SNTB1: variants seen among roughly 807,000 people sequenced by gnomAD.
SNTB1 encodes syntrophin beta 1.
A neutral mutation model predicts 48.9 loss-of-function variants in SNTB1; 36 were observed. The ratio of observed to expected loss-of-function variants is 0.74; its 90% CI spans 0.56 to 0.97. The LOEUF is 0.97. SNTB1 is among the 50% of genes least tolerant of loss of function. SNTB1 has a pLI of 0.00. For missense variants in SNTB1, 786 were observed against 703.4 expected (o/e 1.12, Z -1.33); for synonymous variants, 299 against 294.6 (o/e 1.01, Z -0.15).
chr8:120,794,728 C>T (rs1490419765), intron 1 of SNTB1, among the ~76,000 whole-genome samples: 1 of 151,858 alleles, frequency 6.6e-6, no homozygotes, highest in Non-Finnish European at 1.5e-5. Context: ...ATCCTTTTGC[C>T]CCATTTCTTA....
rs114140108 is a variant in SNTB1, at chr8:120,633,934, C to T, written c.789-1283G>A. ...TACAATGTGAATGTATAGTTCTATG[C>T]CATTTTTTTCACGTGTAGATTTGTA... is the stretch of plus-strand genomic sequence containing the variant. On this transcript the variant is annotated intron_variant, in intron 2 of 6. Coordinates refer to ENST00000517992, the MANE Select transcript of SNTB1 (RefSeq NM_021021.4). 8.6e-3 allele frequency among the ~76,000 whole-genome samples: 1,307 copies of T among 152,062 alleles called. 19 individuals are homozygous for T. Among genetic ancestry groups the T allele is most frequent in the African/African-American group, 0.03 (1,249 of 41,394 alleles).
intron 2 of SNTB1, among the ~76,000 whole-genome samples, chr8:120,657,687 T>C (rs906048009): frequency 6.6e-6 from 1 of 152,264 alleles, no homozygotes; most frequent in South Asian, 2.1e-4. Flanking sequence ...CAGAGTTTCA[T>C]GTAAAATAAT....
At chr8:120,667,992 G>A (rs1341790331) in intron 2 of SNTB1, among the ~76,000 whole-genome samples, 1 of 152,204 alleles carries the variant, frequency 6.6e-6, no homozygotes. Flanking sequence ...ATCCTGTGGT[G>A]TAGTTTTTGC....
rs368891802 is a variant in SNTB1 at position 120,655,029 on chromosome 8, T to C, written c.789-22378A>G. The stretch of plus-strand genomic sequence containing the variant: ...TTCAGTTCCTCAAATCTGTGATTCC[T>C]ATGGCTGATGAAAAATACTTCTCAA... On this transcript the variant is annotated intron_variant, in intron 2 of 6. Coordinates refer to ENST00000517992, the MANE Select transcript of SNTB1 (RefSeq NM_021021.4). 15 of 455,058 alleles carry C rather than the reference T, an allele frequency of 3.3e-5. 1 individual carries two copies. The East Asian group carries it at 3.5e-4, about 11-fold the overall frequency. The allele number at this position is 455,058 out of a possible 1,614,324, so 28.2% of individuals were successfully genotyped here. A position where few individuals can be genotyped will look rare whatever the true frequency, so the allele number is the denominator to read the frequency against.
intron 1 of SNTB1, among the ~76,000 whole-genome samples, chr8:120,718,243 G>C (rs1360808729): frequency 1.3e-5 from 2 of 152,252 alleles, no homozygotes; most frequent in Non-Finnish European, 2.9e-5. Flanking sequence ...CTGTCCTCCT[G>C]AGGGTCACTG....
At chr8:120,713,423 A>G (rs1046953746) in intron 1 of SNTB1, among the ~76,000 whole-genome samples, 1 of 152,074 alleles carries the variant, frequency 6.6e-6, no homozygotes, top group African/African-American at 2.4e-5. Context: ...TGCTTTTTCT[A>G]TATTTTTCTA....
At chr8:120,762,342 C>T (rs778117504) in intron 1 of SNTB1, among the ~76,000 whole-genome samples, 9 of 152,096 alleles carry the variant, frequency 5.9e-5, no homozygotes, top group Non-Finnish European at 1.3e-4. Context: ...AATAGGGTGG[C>T]GGTTCTGCAA....
chr8:120,738,453 A>G (rs969302692), intron 1 of SNTB1, among the ~76,000 whole-genome samples: 1 of 152,096 alleles, frequency 6.6e-6, no homozygotes, highest in Non-Finnish European at 1.5e-5. Context: ...ATAGGGTAAG[A>G]GTTATTATTA....
intron 3 of SNTB1, among the ~76,000 whole-genome samples, chr8:120,587,435 T>C (rs1816166427): frequency 6.6e-6 from 1 of 152,178 alleles, no homozygotes; most frequent in Non-Finnish European, 1.5e-5. Flanking sequence ...CTTTACTAAT[T>C]CCTTCTAGTT....
chr8:120,701,447 C>T (rs1359785095), intron 1 of SNTB1, among the ~76,000 whole-genome samples: 1 of 152,120 alleles, frequency 6.6e-6, no homozygotes, highest in Non-Finnish European at 1.5e-5. Context: ...TGGGAAGCTG[C>T]CTTTTCTGAC....
At chr8:120,564,390 T>C (rs1170663905) in intron 4 of SNTB1, among the ~76,000 whole-genome samples, 2 of 148,100 alleles carry the variant, frequency 1.4e-5, no homozygotes, top group Non-Finnish European at 3.0e-5. Context: ...AGGAAGATGG[T>C]CCTCACCAGA....
In SNTB1 at chr8:120,693,826, T is replaced by C; in HGVS notation, c.654A>G (p.Glu218=). ...SEIGWETPPP[E]SPRLGGSTSD... ...AGGTGCTGCCCCCTAACCGAGGGGA[T>C]TCAGGCGGAGGTGTTTCCCACCCAA... The change falls in exon 2 of 7, where the codon GAA becomes GAG. Residue 218 remains glutamate (E), a synonymous_variant. Coordinates refer to ENST00000517992, the MANE Select transcript of SNTB1 (RefSeq NM_021021.4). 1.2e-6 allele frequency: 2 copies of C among 1,614,118 alleles called. No homozygotes were observed. The highest frequency in any genetic ancestry group is 1.7e-6 in the Non-Finnish European group (2 of 1,179,984).
chr8:120,590,915 G>A (rs1253488501), intron 3 of SNTB1, among the ~76,000 whole-genome samples: 1 of 151,984 alleles, frequency 6.6e-6, no homozygotes, highest in Non-Finnish European at 1.5e-5. Flanking sequence ...TTGAACTCCT[G>A]ACCTCGTGAT....
Position 120,811,480 on chromosome 8 carries a change from C to G in SNTB1, c.364G>C (p.Gly122Arg). 2 of 1,613,974 alleles carry G rather than the reference C, an allele frequency of 1.2e-6. No individual in the cohort carries two copies. Among genetic ancestry groups the G allele is most frequent in the Middle Eastern group, 1.6e-4 (1 of 6,062 alleles). Residue 122 changes from glycine (G) to arginine (R), a missense_variant, in exon 1 of 7, where the codon GGG becomes CGG. Coordinates refer to ENST00000517992, the MANE Select transcript of SNTB1 (RefSeq NM_021021.4). ...GVKVLKQELGGLGISIKGGKE... is the reference protein window; with the variant it reads ...GVKVLKQELGRLGISIKGGKE... ...CCCCCCTTGATGCTGATCCCCAGCC[C>G]GCCCAGCTCCTGCTTCAGCACCTTC...
At chr8:120,598,482 A>C (rs1481017344) in intron 3 of SNTB1, among the ~76,000 whole-genome samples, 1 of 152,220 alleles carries the variant, frequency 6.6e-6, no homozygotes, top group Non-Finnish European at 1.5e-5. Flanking sequence ...TGTGCTAAGT[A>C]CTGAACTGTG....
At chr8:120,600,218 G>T (rs1468302810) in intron 3 of SNTB1, among the ~76,000 whole-genome samples, 1 of 152,206 alleles carries the variant, frequency 6.6e-6, no homozygotes, top group Non-Finnish European at 1.5e-5. Flanking sequence ...CTGAAGCTGG[G>T]TTTGAAGACA....
intron 1 of SNTB1, among the ~76,000 whole-genome samples, chr8:120,804,247 C>A (rs1269486570): frequency 5.9e-5 from 9 of 151,536 alleles, no homozygotes; most frequent in Non-Finnish European, 1.5e-5. Flanking sequence ...TCCCTTTATT[C>A]CTTCCTCTTT....
intron 2 of SNTB1, among the ~76,000 whole-genome samples, chr8:120,683,908 T>C (rs1354719211): frequency 1.3e-5 from 2 of 152,244 alleles, no homozygotes; most frequent in Non-Finnish European, 2.9e-5. Context: ...CATCTAATCA[T>C]AATAATCAAA....
At chr8:120,568,797 T>C (rs541412446) in intron 4 of SNTB1, among the ~76,000 whole-genome samples, 1 of 152,336 alleles carries the variant, frequency 6.6e-6, no homozygotes, top group Admixed American at 6.5e-5. Flanking sequence ...CTTACAGGCC[T>C]AATTGTATCA....
Sources: gnomAD v4.1 joint callset for allele counts (sites outside exome capture counted in the v4.1 genomes callset) on GRCh38, gnomAD v4.1.1 for gene constraint, MANE v1.5 for transcripts, NCBI Gene and HGNC (gene_info 2026-07-23, HGNC 2026-07-21) for gene names.